Variants in GPR180 observed in about 807,000 individuals in gnomAD.
GPR180 encodes G protein-coupled receptor 180, also known as integral membrane protein GPR180.
Under a neutral mutation model 52.6 loss-of-function variants are expected in GPR180, and 53 were observed. That is an observed-to-expected ratio of 1.01 (90% confidence interval 0.81 to 1.27). The LOEUF (loss-of-function observed/expected upper bound fraction) is 1.27, where lower values mean the gene tolerates loss of function less well. GPR180 is among the 50% of genes most tolerant of loss of function. The probability of loss-of-function intolerance (pLI) is 0.00; values close to 1 mark genes in which losing one functional copy is unlikely to be tolerated. For synonymous variants in GPR180, 200 were observed against 193.1 expected (o/e 1.04, Z -0.30); for missense variants, 533 against 527.0 (o/e 1.01, Z -0.11).
Position 94,612,211 on chromosome 13 carries a change from A to G in GPR180, c.326A>G (p.His109Arg). 1 of 1,614,110 alleles carries G rather than the reference A, an allele frequency of 6.2e-7. No homozygotes were observed. ...QLTMTMNQTE[H>R]NLTVSQIPSP... The stretch of plus-strand genomic sequence containing the variant: ...AAAGTGACCATGAACCAGACCGAAC[A>G]TAATCTGACAGTGTCCCAGATTCCG... Residue 109 changes from histidine to arginine, a missense_variant, in exon 3 of 9, where the codon CAT becomes CGT. His to Arg is a conservative substitution (Grantham distance 29). Transcript: ENST00000376958.
In GPR180 at chr13:94,628,948, G is replaced by A. The variant is rs1292881077; in HGVS notation, c.*1777G>A. On this transcript the variant is annotated 3_prime_UTR_variant, in exon 9 of 9. Coordinates refer to ENST00000376958, the MANE Select transcript of GPR180 (RefSeq NM_180989.6). ...AAATCTTTGTGTTACTTCACTCAAA[G>A]AACATAAGTAACTGCAATTAACATA... 1 of 152,042 alleles carries A rather than the reference G, an allele frequency of 6.6e-6. No homozygotes were observed. Among genetic ancestry groups the A allele is most frequent in the East Asian group, 1.9e-4 (1 of 5,202 alleles). 9.4% of individuals were successfully genotyped at this position (152,042 alleles called of 1,614,324 possible).
rs770721231 is a variant in GPR180, at chr13:94,626,032, C to T, written c.1153C>T (p.Gln385Ter). Residue 385 changes from glutamine (Q) to a stop codon, truncating the protein, a stop_gained, in exon 8 of 9, where the codon CAA becomes TAA. Transcript: ENST00000376958. LOFTEE classifies it high-confidence loss of function. ...ACISVIFSDYQRDKVITIGVI... is the reference protein window; with the variant it reads ...ACISVIFSDY ...CATTTCTGTCATTTTTAGCGACTAC[C>T]AAAGAGACAAGGTAAGAAATATACA... 2.5e-6 allele frequency: 4 copies of T among 1,606,910 alleles called. No individual in the cohort carries two copies. The Admixed American group carries it at 6.7e-5, about 27-fold the overall frequency.
intron 3 of GPR180, 49 bp downstream of exon 3, chr13:94,612,439 T>C (rs1889720287): frequency 7.7e-7 from 1 of 1,302,148 alleles, no homozygotes; most frequent in African/African-American, 1.5e-5. Flanking sequence ...AAGATTTATG[T>C]ACAAATATAT....
At chr13:94,616,435 C>T (rs1374037938) in intron 3 of GPR180, among the ~76,000 whole-genome samples, 1 of 152,140 alleles carries the variant, frequency 6.6e-6, no homozygotes, top group Non-Finnish European at 1.5e-5. Flanking sequence ...GCCCCAGAAC[C>T]CAAGGACCCT....
chr13:94,602,020 C>A lies in GPR180; in HGVS notation c.93C>A (p.Ser31Arg). 1 of 1,464,954 alleles carries A rather than the reference C, an allele frequency of 6.8e-7. No homozygotes were observed. Among genetic ancestry groups the A allele is most frequent in the Non-Finnish European group, 9.0e-7 (1 of 1,109,164 alleles). The allele number at this position is 1,464,954 out of a possible 1,614,324, so 90.7% of individuals were successfully genotyped here. The change falls in exon 1 of 9, where the codon AGC becomes AGA. Residue 31 changes from serine to arginine, a missense_variant. Physicochemically the swap from Ser to Arg is moderately radical, Grantham distance 110. Coordinates refer to ENST00000376958, the MANE Select transcript of GPR180 (RefSeq NM_180989.6). ...QGKTLRGSFS[S>R]TAAQDAQGQR... ...AGACCCTGCGGGGCAGCTTCAGCAG[C>A]ACCGCGGCCCAGGACGCCCAGGGCC...
In GPR180 at chr13:94,632,187, C is replaced by T. The variant is rs1443410189; in HGVS notation, c.*5016C>T. 3 of 152,144 alleles carry T rather than the reference C, an allele frequency of 2.0e-5. No individual in the cohort carries two copies. Among genetic ancestry groups the T allele is most frequent in the Non-Finnish European group, 4.4e-5 (3 of 68,028 alleles). The allele number at this position is 152,144 out of a possible 1,614,324, so 9.4% of individuals were successfully genotyped here. On this transcript the variant is annotated 3_prime_UTR_variant, in exon 9 of 9. Transcript: ENST00000376958. Reference sequence around the variant, plus strand: ...TAAGTTATAAGTTATGTTCAGTAGCCTCAAAGAAGTATGCGAAAACCTTCT... The same window carrying T: ...TAAGTTATAAGTTATGTTCAGTAGCTTCAAAGAAGTATGCGAAAACCTTCT...
chr13:94,624,494 G>T (rs1889896329), intron 7 of GPR180, among the ~76,000 whole-genome samples: 1 of 152,176 alleles, frequency 6.6e-6, no homozygotes, highest in Non-Finnish European at 1.5e-5. Context: ...GGACAGTAGT[G>T]CTTATTGTTT....
chr13:94,625,865 G>A (rs1385718549), intron 7 of GPR180, 101 bp from the exon 8 acceptor site: 2 of 694,474 alleles, frequency 2.9e-6, no homozygotes, highest in Non-Finnish European at 5.0e-6. Flanking sequence ...GGCCTGTTGA[G>A]GTTAATCAGA....
rs1167612223 is a variant in GPR180 at position 94,633,818 on chromosome 13, T to A, written c.*6647T>A. 1.3e-5 allele frequency: 2 copies of A among 152,176 alleles called. No individual in the cohort carries two copies. The highest frequency in any genetic ancestry group is 1.9e-4 in the East Asian group (1 of 5,198). The allele number at this position is 152,176 out of a possible 1,614,324, so 9.4% of individuals were successfully genotyped here. On this transcript the variant is annotated 3_prime_UTR_variant, in exon 9 of 9. Coordinates refer to ENST00000376958, the MANE Select transcript of GPR180 (RefSeq NM_180989.6). The stretch of plus-strand genomic sequence containing the variant: ...GCCCTGTATTTTCATCTAGTGGTTT[T>A]ATGGTTTTATTTTGTATGTTTTTTT...
At chr13:94,623,995 A>G (rs1484661227) in intron 7 of GPR180, among the ~76,000 whole-genome samples, 1 of 152,178 alleles carries the variant, frequency 6.6e-6, no homozygotes, top group Admixed American at 6.5e-5. Context: ...AGTGTTTTAT[A>G]ACAGTTAGGA....
chr13:94,601,889 G>T lies in GPR180; in HGVS notation c.-39G>T. On this transcript the variant is annotated 5_prime_UTR_variant, in exon 1 of 9. Transcript: ENST00000376958. Reference sequence around the variant, plus strand: ...GACGTGGGGCGGGCAGCCGCCGGCGGCTGGGAGCCGAGGCGTCGGTGCAGA... The same window carrying T: ...GACGTGGGGCGGGCAGCCGCCGGCGTCTGGGAGCCGAGGCGTCGGTGCAGA... 3 of 1,356,734 alleles carry T rather than the reference G, an allele frequency of 2.2e-6. No homozygotes were observed. The highest frequency in any genetic ancestry group is 1.9e-6 in the Non-Finnish European group (2 of 1,054,002). 84.0% of individuals were successfully genotyped at this position (1,356,734 alleles called of 1,614,324 possible).
chr13:94,604,168 T>G (rs985508902), intron 1 of GPR180, among the ~76,000 whole-genome samples: 7 of 152,044 alleles, frequency 4.6e-5, no homozygotes, highest in Non-Finnish European at 7.4e-5. Context: ...ACCCCGTCTC[T>G]ATAAAAATAT....
intron 3 of GPR180, 25 bp downstream of exon 3, chr13:94,612,415 C>T (rs527448116): frequency 1.4e-6 from 2 of 1,473,486 alleles, no homozygotes; most frequent in African/African-American, 1.4e-5. Flanking sequence ...TTGAATATAT[C>T]CTAAATTCAG....
rs542833626 is a variant in GPR180 at position 94,632,195 on chromosome 13, A to C, written c.*5024A>C. 9 of 152,322 alleles carry C rather than the reference A, an allele frequency of 5.9e-5. No individual in the cohort carries two copies. Among genetic ancestry groups the C allele is most frequent in the African/African-American group, 2.2e-4 (9 of 41,570 alleles). The allele number at this position is 152,322 out of a possible 1,614,324, so 9.4% of individuals were successfully genotyped here. On this transcript the variant is annotated 3_prime_UTR_variant, in exon 9 of 9. Transcript: ENST00000376958. ...AAGTTATGTTCAGTAGCCTCAAAGA[A>C]GTATGCGAAAACCTTCTAATGTTTT...
At position 94,633,052 on chromosome 13, in the gene GPR180, C is replaced by G. The variant is rs1432394161; in HGVS notation, c.*5881C>G. The G allele has an allele frequency of 6.6e-6, 1 of 152,176 alleles. No individual in the cohort carries two copies. The highest frequency in any genetic ancestry group is 1.5e-5 in the Non-Finnish European group (1 of 68,064). The allele number at this position is 152,176 out of a possible 1,614,324, so 9.4% of individuals were successfully genotyped here. ...CTATGTATGTCTTCTTTTGGCTGTT[C>G]TGATTTGTATCCTTTTGCTATAATA... On this transcript the variant is annotated 3_prime_UTR_variant, in exon 9 of 9. Coordinates refer to ENST00000376958, the MANE Select transcript of GPR180 (RefSeq NM_180989.6).
rs974157779 is a variant in GPR180 at position 94,631,663 on chromosome 13, C to T, written c.*4492C>T. The T allele has an allele frequency of 6.7e-6, 1 of 149,228 alleles. No individual in the cohort carries two copies. Among genetic ancestry groups the T allele is most frequent in the Admixed American group, 6.8e-5 (1 of 14,794 alleles). The allele number at this position is 149,228 out of a possible 1,614,324, so 9.2% of individuals were successfully genotyped here. A position where few individuals can be genotyped will look rare whatever the true frequency, so the allele number is the denominator to read the frequency against. ...TATTTTTGAGTGAATGAAGGCAATG[C>T]TGAAAAAGTTCCAAATCTGTACTTA... On this transcript the variant is annotated 3_prime_UTR_variant, in exon 9 of 9. Coordinates refer to ENST00000376958, the MANE Select transcript of GPR180 (RefSeq NM_180989.6).
At chr13:94,617,309 CTA>C (rs1566979747) in intron 3 of GPR180, among the ~76,000 whole-genome samples, 2 of 152,046 alleles carry the variant, frequency 1.3e-5, no homozygotes, top group African/African-American at 4.8e-5. Flanking sequence ...AAGATAAAAA[CTA>C]AGATTCAAAA....
intron 1 of GPR180, among the ~76,000 whole-genome samples, chr13:94,604,351 A>G (rs1238254730): frequency 6.6e-6 from 1 of 151,606 alleles, no homozygotes; most frequent in East Asian, 1.9e-4. Context: ...AATTAAAAAA[A>G]AAAAAAAAGA....
chr13:94,609,999 A>G (rs1889683592), intron 2 of GPR180, among the ~76,000 whole-genome samples: 1 of 152,200 alleles, frequency 6.6e-6, no homozygotes, highest in South Asian at 2.1e-4. Flanking sequence ...AGAAAGGTTG[A>G]AATTATAGTA....
Sources: allele counts gnomAD v4.1 joint callset (sites outside exome capture counted in the v4.1 genomes callset), GRCh38; gene constraint gnomAD v4.1.1; transcripts MANE v1.5; gene names NCBI Gene and HGNC (gene_info 2026-07-23, HGNC 2026-07-21).